Variants in CACNA2D3 observed in about 807,000 individuals in gnomAD.
CACNA2D3 encodes the protein calcium voltage-gated channel auxiliary subunit alpha2delta 3.
A neutral mutation model predicts 160.6 loss-of-function variants in CACNA2D3; 60 were observed. That is an observed-to-expected ratio of 0.37 (90% CI 0.30 to 0.46). CACNA2D3 has a LOEUF of 0.46. Ranked by LOEUF, CACNA2D3 falls within the 20% of genes least tolerant of loss-of-function variation. The pLI, the probability that CACNA2D3 is intolerant of heterozygous loss-of-function variation, is 1.00. For missense variants in CACNA2D3, 1,205 were observed against 1,365.0 expected (o/e 0.88, Z 1.85); for synonymous variants, 558 against 492.9 (o/e 1.13, Z -1.75).
chr3:54,745,509 C>T (rs185215299), intron 11 of CACNA2D3, among the ~76,000 whole-genome samples: 1 of 152,320 alleles, frequency 6.6e-6, no homozygotes, highest in Admixed American at 6.5e-5. Context: ...GACATCAGAG[C>T]AATAATACTA....
At chr3:54,206,492 T>C (rs1370508099) in intron 2 of CACNA2D3, among the ~76,000 whole-genome samples, 1 of 152,188 alleles carries the variant, frequency 6.6e-6, no homozygotes, top group Non-Finnish European at 1.5e-5. Context: ...ATTATAATGG[T>C]TCTCTCCCTC....
At chr3:54,301,371 G>A (rs1363661051) in intron 2 of CACNA2D3, among the ~76,000 whole-genome samples, 1 of 151,980 alleles carries the variant, frequency 6.6e-6, no homozygotes, top group Admixed American at 6.6e-5. Context: ...GGCCAAGGCA[G>A]GCGGATCACT....
At chr3:55,054,598 A>G (rs1435299648) in intron 35 of CACNA2D3, among the ~76,000 whole-genome samples, 1 of 149,464 alleles carries the variant, frequency 6.7e-6, no homozygotes, top group Non-Finnish European at 1.5e-5. Flanking sequence ...ATTATTTAAT[A>G]TACTATATTA....
intron 14 of CACNA2D3, among the ~76,000 whole-genome samples, chr3:54,825,587 A>G (rs1231514735): frequency 2.6e-5 from 4 of 152,232 alleles, no homozygotes; most frequent in Non-Finnish European, 5.9e-5. Flanking sequence ...GTATGAATCT[A>G]CACTTTATGG....
intron 2 of CACNA2D3, among the ~76,000 whole-genome samples, chr3:54,156,205 A>C (rs1468974573): frequency 6.6e-6 from 1 of 152,172 alleles, no homozygotes; most frequent in Non-Finnish European, 1.5e-5. Context: ...CCAGCAGGGG[A>C]GCGGGGAAAT....
chr3:54,346,034 A>T (rs1698452768), intron 3 of CACNA2D3, among the ~76,000 whole-genome samples: 1 of 126,558 alleles, frequency 7.9e-6, no homozygotes, highest in South Asian at 2.6e-4. Flanking sequence ...GGCTGGGGGT[A>T]AGGGAGGAGG....
chr3:54,745,629 C>G (rs1306375360), intron 11 of CACNA2D3, among the ~76,000 whole-genome samples: 2 of 152,164 alleles, frequency 1.3e-5, no homozygotes, highest in Non-Finnish European at 2.9e-5. Flanking sequence ...ATGTTTGCAG[C>G]TTGACTTCTT....
chr3:54,221,313 CAATT>C (rs1342492076), intron 2 of CACNA2D3, among the ~76,000 whole-genome samples: 4 of 152,102 alleles, frequency 2.6e-5, no homozygotes, highest in Admixed American at 6.5e-5. Context: ...CTAAAAATTC[CAATT>C]ATTTAGTTTC....
chr3:54,496,538 G>A (rs79597032), intron 4 of CACNA2D3, among the ~76,000 whole-genome samples: 3,093 of 152,138 alleles, frequency 0.02, 113 homozygotes, highest in African/African-American at 0.071. Flanking sequence ...CATATTTAGG[G>A]CACAGGTCAT....
At chr3:55,014,825 C>G (rs1402670677) in intron 34 of CACNA2D3, among the ~76,000 whole-genome samples, 1 of 152,162 alleles carries the variant, frequency 6.6e-6, no homozygotes, top group Non-Finnish European at 1.5e-5. Context: ...GTAGCAACTG[C>G]ACATATATGT....
At chr3:54,861,640 G>A (rs1041921289) in intron 17 of CACNA2D3, among the ~76,000 whole-genome samples, 5 of 152,238 alleles carry the variant, frequency 3.3e-5, no homozygotes, top group African/African-American at 1.2e-4. Context: ...CTTAGGGGAT[G>A]CCTGCTTGTT....
intron 27 of CACNA2D3, among the ~76,000 whole-genome samples, chr3:54,916,420 G>A (rs6806242): frequency 0.11 from 17,095 of 152,224 alleles, 976 homozygotes; most frequent in Middle Eastern, 0.15. Flanking sequence ...AGGTGCCAGG[G>A]CCTGGGACAG....
At chr3:54,542,914 A>G (rs1358699874) in intron 5 of CACNA2D3, among the ~76,000 whole-genome samples, 1 of 152,234 alleles carries the variant, frequency 6.6e-6, no homozygotes, top group Non-Finnish European at 1.5e-5. Flanking sequence ...CTATTTGTTT[A>G]TAGGAAAAAG....
chr3:54,841,482 G>A (rs1474626627), intron 16 of CACNA2D3, among the ~76,000 whole-genome samples: 1 of 152,194 alleles, frequency 6.6e-6, no homozygotes, highest in Non-Finnish European at 1.5e-5. Context: ...CCCATACAGA[G>A]CTTTGTGAAA....
intron 1 of CACNA2D3, 100 bp downstream of exon 1, chr3:54,122,935 G>C: frequency 2.7e-6 from 3 of 1,097,594 alleles, no homozygotes; most frequent in African/African-American, 3.3e-5. Flanking sequence ...GGCAGGACCC[G>C]CCGCGGGCGT....
At chr3:54,521,939 T>A (rs141913166) in intron 5 of CACNA2D3, among the ~76,000 whole-genome samples, 1 of 152,240 alleles carries the variant, frequency 6.6e-6, no homozygotes, top group Non-Finnish European at 1.5e-5. Flanking sequence ...CTGATTCTTA[T>A]TATTTTGTAG....
At chr3:54,410,622 A>C (rs890003491) in intron 4 of CACNA2D3, among the ~76,000 whole-genome samples, 1 of 152,174 alleles carries the variant, frequency 6.6e-6, no homozygotes, top group Admixed American at 6.5e-5. Context: ...TTATTTAGAC[A>C]TACTGCTCAG....
At chr3:54,389,666 G>A (rs889543285) in intron 4 of CACNA2D3, among the ~76,000 whole-genome samples, 2 of 152,142 alleles carry the variant, frequency 1.3e-5, no homozygotes, top group Non-Finnish European at 2.9e-5. Flanking sequence ...AAAATGTGTA[G>A]CCTGACTGTA....
At chr3:54,590,615 A>ATTG (rs1156680610) in intron 9 of CACNA2D3, among the ~76,000 whole-genome samples, 3 of 151,232 alleles carry the variant, frequency 2.0e-5, no homozygotes, top group African/African-American at 7.3e-5. Flanking sequence ...TATTATTATT[A>ATTG]TTATTTTATT....
Sources: allele counts gnomAD v4.1 joint callset (sites outside exome capture counted in the v4.1 genomes callset), GRCh38; gene constraint gnomAD v4.1.1; transcripts MANE v1.5; gene names NCBI Gene and HGNC (gene_info 2026-07-23, HGNC 2026-07-21).